The following TBCK variants were observed in gnomAD, a reference collection of about 807,000 sequenced individuals.
The protein encoded by TBCK is TBC1 domain containing kinase.
Under a neutral mutation model 113.4 loss-of-function variants are expected in TBCK, and 99 were observed. The observed-to-expected ratio is 0.87, with a 90% confidence interval of 0.74 to 1.03. The LOEUF (loss-of-function observed/expected upper bound fraction) is 1.03, where lower values mean the gene tolerates loss of function less well. Ranked by LOEUF, TBCK falls within the 50% of genes least tolerant of loss-of-function variation. TBCK has a pLI of 0.00. For missense variants in TBCK, 1,045 were observed against 1,061.3 expected (o/e 0.98, Z 0.21); for synonymous variants, 369 against 370.8 (o/e 1.00, Z 0.05).
intron 23 of TBCK, among the ~76,000 whole-genome samples, chr4:106,170,892 C>G (rs145313761): frequency 8.6e-5 from 13 of 151,894 alleles, no homozygotes; most frequent in African/African-American, 3.1e-4. Flanking sequence ...TGGAGGAGTA[C>G]GTCAAAATAA....
chr4:106,129,560 T>C (rs1316372244), intron 23 of TBCK, among the ~76,000 whole-genome samples: 15 of 152,280 alleles, frequency 9.9e-5, no homozygotes, highest in African/African-American at 3.6e-4. Context: ...GTAATGTATG[T>C]GAAGAATACA....
intron 3 of TBCK, among the ~76,000 whole-genome samples, chr4:106,278,659 C>T (rs1322789832): frequency 2.2e-5 from 3 of 139,006 alleles, no homozygotes; most frequent in Non-Finnish European, 4.7e-5. Context: ...TTTAAAGAAA[C>T]TTTAATGCCA....
chr4:106,076,511 C>A (rs1738207030), intron 25 of TBCK, among the ~76,000 whole-genome samples: 1 of 152,048 alleles, frequency 6.6e-6, no homozygotes, highest in African/African-American at 2.4e-5. Context: ...TCAAGAAATG[C>A]AGAGAACCCT....
At chr4:106,129,180 C>T (rs891219675) in intron 23 of TBCK, among the ~76,000 whole-genome samples, 6 of 152,086 alleles carry the variant, frequency 3.9e-5, no homozygotes, top group Non-Finnish European at 8.8e-5. Context: ...ATGTGCAGGA[C>T]GTGCAGGTTT....
At chr4:106,103,375 T>C (rs1444768419) in intron 24 of TBCK, among the ~76,000 whole-genome samples, 3 of 152,230 alleles carry the variant, frequency 2.0e-5, no homozygotes, top group African/African-American at 4.8e-5. Context: ...TGAATGAATA[T>C]ATCTAGTGTA....
At chr4:106,218,901 C>G (rs1290949895) in intron 19 of TBCK, among the ~76,000 whole-genome samples, 7 of 150,582 alleles carry the variant, frequency 4.6e-5, no homozygotes, top group South Asian at 2.1e-4. Context: ...AATCATGCTG[C>G]TATAAAGACA....
intron 3 of TBCK, among the ~76,000 whole-genome samples, chr4:106,288,558 T>C (rs983416806): frequency 4.6e-5 from 7 of 152,226 alleles, no homozygotes; most frequent in Non-Finnish European, 8.8e-5. Flanking sequence ...CAAGGCCATT[T>C]TGAATCAGTT....
intron 24 of TBCK, among the ~76,000 whole-genome samples, chr4:106,098,279 T>C (rs1741160509): frequency 6.6e-6 from 1 of 152,086 alleles, no homozygotes; most frequent in Non-Finnish European, 1.5e-5. Flanking sequence ...ATAATGAGTG[T>C]AATACTCAAC....
At chr4:106,165,594 T>C (rs1298276766) in intron 23 of TBCK, among the ~76,000 whole-genome samples, 1 of 151,764 alleles carries the variant, frequency 6.6e-6, no homozygotes, top group Non-Finnish European at 1.5e-5. Flanking sequence ...TATAGAAGAC[T>C]GTCATAAAGT....
At chr4:106,195,885 CTCTA>C (rs936038205) in intron 20 of TBCK, among the ~76,000 whole-genome samples, 3 of 151,988 alleles carry the variant, frequency 2.0e-5, no homozygotes, top group Non-Finnish European at 2.9e-5. Context: ...AATAAATCTC[CTCTA>C]TCTATGTTTA....
At chr4:106,227,222 C>T (rs1758337853) in intron 19 of TBCK, among the ~76,000 whole-genome samples, 1 of 151,648 alleles carries the variant, frequency 6.6e-6, no homozygotes, top group African/African-American at 2.4e-5. Flanking sequence ...ATCATTATTT[C>T]CATTTCTAAC....
rs527475710 is a variant in TBCK at position 106,171,226 on chromosome 4, A to C, written c.2104T>G (p.Cys702Gly). The C allele has an allele frequency of 6.2e-7, 1 of 1,612,126 alleles. No individual in the cohort carries two copies. Among genetic ancestry groups the C allele is most frequent in the South Asian group, 1.1e-5 (1 of 90,752 alleles). The change falls in exon 23 of 26, where the codon TGT becomes GGT. Residue 702 changes from cysteine (C) to glycine (G), a missense_variant. Cys to Gly is a radical substitution (Grantham distance 159). Coordinates refer to ENST00000394708, the MANE Select transcript of TBCK (RefSeq NM_001163435.3). The stretch of plus-strand genomic sequence containing the variant: ...TAAGTAGCACTTTTAGGAGTCCAAC[A>C]AAACAGGTTGATAGATTCTCTCACA... ...RCVRESINLF[C>G]WTPKSATYRQ...
chr4:106,078,574 T>A (rs1738496085), intron 25 of TBCK, among the ~76,000 whole-genome samples: 2 of 152,038 alleles, frequency 1.3e-5, no homozygotes, highest in Admixed American at 1.3e-4. Flanking sequence ...CCTTCTAAGA[T>A]TGAACCAGGA....
At chr4:106,149,565 G>A (rs905401888) in intron 23 of TBCK, among the ~76,000 whole-genome samples, 4 of 152,108 alleles carry the variant, frequency 2.6e-5, no homozygotes, top group African/African-American at 9.7e-5. Flanking sequence ...CAATGAGAAC[G>A]CACATATTTA....
chr4:106,182,545 C>G (rs1752518120), intron 22 of TBCK: 1 of 152,106 alleles, frequency 6.6e-6, no homozygotes, highest in South Asian at 2.1e-4. Context: ...TACATTCCAT[C>G]AGTACCTAGT....
chr4:106,232,451 T>C (rs971390274), intron 17 of TBCK, among the ~76,000 whole-genome samples: 3 of 151,544 alleles, frequency 2.0e-5, no homozygotes, highest in Admixed American at 1.3e-4. Context: ...TCATTCTTTA[T>C]CAAACACAAA....
chr4:106,211,511 C>G (rs1433112223), intron 20 of TBCK, among the ~76,000 whole-genome samples: 1 of 152,006 alleles, frequency 6.6e-6, no homozygotes, highest in Admixed American at 6.6e-5. Context: ...TTTTGTAAAA[C>G]TTATTTTAGT....
chr4:106,251,140 A>G (rs1454240866), intron 6 of TBCK: 8 of 394,814 alleles, frequency 2.0e-5, no homozygotes, highest in Admixed American at 5.7e-5. Context: ...ACCATCAAAT[A>G]GTTATATAAA....
At chr4:106,088,621 A>T (rs1343483028) in intron 25 of TBCK, among the ~76,000 whole-genome samples, 1 of 152,176 alleles carries the variant, frequency 6.6e-6, no homozygotes, top group African/African-American at 2.4e-5. Context: ...AATAGAAATC[A>T]TTCTATTATA....
Sources: allele counts gnomAD v4.1 joint callset (sites outside exome capture counted in the v4.1 genomes callset), GRCh38; gene constraint gnomAD v4.1.1; transcripts MANE v1.5; gene names NCBI Gene and HGNC (gene_info 2026-07-23, HGNC 2026-07-21).